JPH3: variants seen among roughly 807,000 people sequenced by gnomAD.
JPH3 encodes the protein junctophilin-3.
JPH3 carries 11 observed loss-of-function variants against 59.6 expected under a neutral mutation model. The ratio of observed to expected loss-of-function variants is 0.18; its 90% confidence interval spans 0.12 to 0.31. The LOEUF is 0.31. JPH3 is among the 10% of genes least tolerant of loss of function. The pLI is 1.00. For missense variants in JPH3, 1,202 were observed against 1,105.7 expected (o/e 1.09, Z -1.24); for synonymous variants, 673 against 483.6 (o/e 1.39, Z -5.14).
At chr16:87,603,673 A>T in intron 1 of JPH3, 145 bp downstream of exon 1, 2 of 1,071,638 alleles carry the variant, frequency 1.9e-6, no homozygotes, top group Non-Finnish European at 2.6e-6. Flanking sequence ...CCTGGAAGCC[A>T]CGGCGGCTCC....
intron 2 of JPH3, among the ~76,000 whole-genome samples, chr16:87,671,214 T>C (rs2033007090): frequency 6.6e-6 from 1 of 152,132 alleles, no homozygotes; most frequent in Non-Finnish European, 1.5e-5. Context: ...TCTCTGTTCC[T>C]CGACTCCTAG....
intron 2 of JPH3, among the ~76,000 whole-genome samples, chr16:87,683,346 C>T (rs1465721362): frequency 6.6e-6 from 1 of 152,030 alleles, no homozygotes; most frequent in East Asian, 1.9e-4. Flanking sequence ...GCTCTGTCAC[C>T]CAGGCTGGAG....
chr16:87,659,384 A>AAAAAAAAAAAAAAAAAC, intron 2 of JPH3, among the ~76,000 whole-genome samples: 1 of 120,516 alleles, frequency 8.3e-6, no homozygotes, highest in Non-Finnish European at 2.0e-5. Flanking sequence ...CAAAAAAAAA[A>AAAAAAAAAAAAAAAAAC]AAGAAAAAAA....
intron 1 of JPH3, among the ~76,000 whole-genome samples, chr16:87,631,870 C>A (rs1040856730): frequency 8.5e-5 from 13 of 152,066 alleles, no homozygotes; most frequent in Admixed American, 4.6e-4. Context: ...AGCTCTTTAT[C>A]CCTGGTCTTT....
At chr16:87,693,820 T>A (rs1013293704) in intron 4 of JPH3, 1 of 152,124 alleles carries the variant, frequency 6.6e-6, no homozygotes, top group Non-Finnish European at 1.5e-5. Context: ...CGGGGGTGTG[T>A]GAGACCTGAG....
intron 2 of JPH3, among the ~76,000 whole-genome samples, chr16:87,648,318 G>T (rs962397853): frequency 1.3e-5 from 2 of 152,156 alleles, no homozygotes; most frequent in Non-Finnish European, 2.9e-5. Flanking sequence ...TGGCTCAGGC[G>T]CCCACAGCCC....
intron 1 of JPH3, among the ~76,000 whole-genome samples, chr16:87,642,078 C>T (rs1291841445): frequency 6.6e-6 from 1 of 152,014 alleles, no homozygotes; most frequent in Admixed American, 6.5e-5. Flanking sequence ...ACAGAAAAGC[C>T]TGGAAGGATC....
At chr16:87,660,379 G>C (rs2032661971) in intron 2 of JPH3, among the ~76,000 whole-genome samples, 1 of 152,130 alleles carries the variant, frequency 6.6e-6, no homozygotes, top group South Asian at 2.1e-4. Context: ...TTGAGTCCCA[G>C]CCCTGCTGTA....
chr16:87,675,447 G>A (rs2033120745), intron 2 of JPH3, among the ~76,000 whole-genome samples: 4 of 152,208 alleles, frequency 2.6e-5, no homozygotes. Flanking sequence ...CCTGGGGCCT[G>A]CACATATCCA....
chr16:87,604,433 G>A (rs925759669), intron 1 of JPH3: 2 of 1,384,886 alleles, frequency 1.4e-6, no homozygotes, highest in African/African-American at 1.5e-5. Context: ...CATGGAGCCG[G>A]TCCTTTCCTG....
At chr16:87,653,347 T>C (rs9937576) in intron 2 of JPH3, among the ~76,000 whole-genome samples, 58,606 of 152,004 alleles carry the variant, frequency 0.39, 12,898 homozygotes, top group African/African-American at 0.59. Context: ...CTCTGCTCTC[T>C]GCTGTGGCTT....
chr16:87,676,434 G>A (rs950759055), intron 2 of JPH3, among the ~76,000 whole-genome samples: 2 of 152,080 alleles, frequency 1.3e-5, no homozygotes, highest in Non-Finnish European at 2.9e-5. Context: ...CTTCATTTAT[G>A]GTATATAGGT....
chr16:87,636,471 G>T (rs1039723060), intron 1 of JPH3, among the ~76,000 whole-genome samples: 1 of 152,162 alleles, frequency 6.6e-6, no homozygotes, highest in African/African-American at 2.4e-5. Context: ...GCAACCGAGG[G>T]AGCGAGGGAG....
At chr16:87,635,253 T>C (rs2031698927) in intron 1 of JPH3, among the ~76,000 whole-genome samples, 1 of 152,214 alleles carries the variant, frequency 6.6e-6, no homozygotes, top group Non-Finnish European at 1.5e-5. Flanking sequence ...CTGGGGCATC[T>C]GTCCATGGCC....
intron 4 of JPH3, chr16:87,695,076 G>A (rs2033761171): frequency 2.9e-6 from 1 of 346,254 alleles, no homozygotes; most frequent in Admixed American, 3.9e-5. Flanking sequence ...CCTGGGAGTG[G>A]AACTGCTGGG....
rs950766534 is a variant in JPH3, at chr16:87,603,062, A to C, written c.-85A>C. 2.0e-6 allele frequency: 3 copies of C among 1,519,056 alleles called. No homozygotes were observed. Among genetic ancestry groups the C allele is most frequent in the Non-Finnish European group, 1.8e-6 (2 of 1,122,080 alleles). The allele number at this position is 1,519,056 out of a possible 1,614,324, so 94.1% of individuals were successfully genotyped here. ...CTCCTCCGGAAAACGCTCGCGACCCAGGGCCGCCGGCGGCCGCGACTCTGC... is the reference window on the plus strand; with the variant it reads ...CTCCTCCGGAAAACGCTCGCGACCCCGGGCCGCCGGCGGCCGCGACTCTGC... On this transcript the variant is annotated 5_prime_UTR_variant, in exon 1 of 5. Coordinates refer to ENST00000284262, the MANE Select transcript of JPH3 (RefSeq NM_020655.4).
At chr16:87,692,824 G>A (rs962919501) in intron 4 of JPH3, among the ~76,000 whole-genome samples, 48 of 152,192 alleles carry the variant, frequency 3.2e-4, no homozygotes, top group Non-Finnish European at 1.0e-4. Context: ...GGGCAGCCAC[G>A]CCCTCGCCCA....
At chr16:87,638,803 C>A (rs1047083503) in intron 1 of JPH3, among the ~76,000 whole-genome samples, 14 of 152,184 alleles carry the variant, frequency 9.2e-5, no homozygotes, top group Admixed American at 9.2e-4. Context: ...AGGGACAGGA[C>A]ACAGCGAAGG....
chr16:87,695,421 C>A (rs533923871), intron 4 of JPH3: 38 of 456,080 alleles, frequency 8.3e-5, no homozygotes, highest in African/African-American at 7.2e-4. Flanking sequence ...TGTCGCACAG[C>A]AGCAGGATGT....
Sources: allele counts gnomAD v4.1 joint callset (sites outside exome capture counted in the v4.1 genomes callset), GRCh38; gene constraint gnomAD v4.1.1; transcripts MANE v1.5; gene names NCBI Gene and HGNC (gene_info 2026-07-23, HGNC 2026-07-21).